MELTF: variants seen among roughly 807,000 people sequenced by gnomAD.
MELTF encodes the protein melanotransferrin.
A neutral mutation model predicts 83.7 loss-of-function variants in MELTF; 67 were observed. The ratio of observed to expected loss-of-function variants is 0.80; its 90% CI spans 0.66 to 0.98. MELTF has a LOEUF of 0.98. Ranked by LOEUF, MELTF falls within the 50% of genes least tolerant of loss-of-function variation. The probability of loss-of-function intolerance (pLI) is 0.00; values close to 1 mark genes in which losing one functional copy is unlikely to be tolerated. For synonymous variants in MELTF, 462 were observed against 447.6 expected, an observed-to-expected ratio of 1.03 and a Z score of -0.41; for missense variants, 1,002 against 1,035.6, an observed-to-expected ratio of 0.97 and a Z score of 0.44.
chr3:197,024,048 C>A lies in MELTF; in HGVS notation c.487+255G>T. ...ACTCATGGGCTGGGCCTGTGCCTGG[C>A]TGTGCCATGTGGGACACCACGATGC... On this transcript the variant is annotated intron_variant, in intron 4 of 15. Transcript: ENST00000296350. The surrounding 1 kb of genome is among the most constrained non-coding windows in gnomAD (Gnocchi z 5.3). 1 of 640,342 alleles carries A rather than the reference C, an allele frequency of 1.6e-6. No individual in the cohort carries two copies. The highest frequency in any genetic ancestry group is 2.9e-6 in the Non-Finnish European group (1 of 347,024). The allele number at this position is 640,342 out of a possible 1,614,324, so 39.7% of individuals were successfully genotyped here.
chr3:197,027,643 C>A, intron 2 of MELTF, 113 bp downstream of exon 2: 1 of 1,318,342 alleles, frequency 7.6e-7, no homozygotes, highest in Non-Finnish European at 1.0e-6. Context: ...GAGATCCTAT[C>A]GGCCGGGCCT....
In MELTF at chr3:197,015,273, C is replaced by G. The variant is rs1350090997; in HGVS notation, c.1233+92G>C. 2.4e-5 allele frequency: 34 copies of G among 1,407,344 alleles called. 1 individual carries two copies. 87.2% of individuals were successfully genotyped at this position (1,407,344 alleles called of 1,614,324 possible). On this transcript the variant is annotated intron_variant, in intron 9 of 15. Transcript: ENST00000296350. ...TTGTTGCAGTAGACACTCTCCTCTTCCCCAGGCAGCAGGGGGTGTGGGTAG... is the reference window on the plus strand; with the variant it reads ...TTGTTGCAGTAGACACTCTCCTCTTGCCCAGGCAGCAGGGGGTGTGGGTAG...
At chr3:197,028,988 T>G (rs1269194316) in intron 1 of MELTF, 2 of 152,490 alleles carry the variant, frequency 1.3e-5, no homozygotes, top group Non-Finnish European at 2.9e-5. Flanking sequence ...AACTGCAAAG[T>G]TCAGACGGGG....
rs371456179 is a variant in MELTF, at chr3:197,024,745, C to T, written c.305-260G>A. 1.3e-5 allele frequency among the ~76,000 whole-genome samples: 2 copies of T among 152,350 alleles called. No individual in the cohort carries two copies. The highest frequency in any genetic ancestry group is 2.1e-4 in the South Asian group (1 of 4,824). Reference sequence around the variant, plus strand: ...TCATTGATTTCCCCCTCTTCCTTCCCCAGCAGCTGGTGCTTAGCTGGGTCC... The same window carrying T: ...TCATTGATTTCCCCCTCTTCCTTCCTCAGCAGCTGGTGCTTAGCTGGGTCC... On this transcript the variant is annotated intron_variant, in intron 3 of 15. Transcript: ENST00000296350. The surrounding 1 kb of genome is among the most constrained non-coding windows in gnomAD (Gnocchi z 5.3).
At chr3:197,004,202 G>C in intron 14 of MELTF, 103 bp from the exon 15 acceptor site, 1 of 1,093,286 alleles carries the variant, frequency 9.1e-7, no homozygotes, top group Non-Finnish European at 1.4e-6. Flanking sequence ...GTGACCCAAA[G>C]AGCAAGTCAT....
intron 6 of MELTF, among the ~76,000 whole-genome samples, chr3:197,018,089 A>G (rs1168877194): frequency 2.0e-5 from 3 of 152,136 alleles, no homozygotes; most frequent in East Asian, 3.9e-4. Flanking sequence ...AACTATTCAT[A>G]TTGCGATGGA....
rs1445608667 is a variant in MELTF at position 197,011,984 on chromosome 3, C to T, written c.1234-1190G>A. Among the ~76,000 whole-genome samples, 1 of 152,158 alleles carries T rather than the reference C, an allele frequency of 6.6e-6. No individual in the cohort carries two copies. Among genetic ancestry groups the T allele is most frequent in the Non-Finnish European group, 1.5e-5 (1 of 68,008 alleles). ...TCTCCCTGCTCTGGGGCTCTTGGAA[C>T]AATAGGGCAGCCTGCCAGGCATTAG... On this transcript the variant is annotated intron_variant, in intron 9 of 15. Transcript: ENST00000296350. The surrounding 1 kb of genome is among the most constrained non-coding windows in gnomAD (Gnocchi z 4.2).
Position 197,007,924 on chromosome 3 carries a change from C to T in MELTF, c.1750+733G>A, listed in dbSNP as rs1719037424. 6.6e-6 allele frequency among the ~76,000 whole-genome samples: 1 copy of T among 152,188 alleles called. No individual in the cohort carries two copies. The highest frequency in any genetic ancestry group is 2.1e-4 in the South Asian group (1 of 4,830). On this transcript the variant is annotated intron_variant, in intron 13 of 15. Coordinates refer to ENST00000296350, the MANE Select transcript of MELTF (RefSeq NM_005929.6). The surrounding 1 kb of genome is among the most constrained non-coding windows in gnomAD (Gnocchi z 4.3). ...GAGCGAGTGGAGAAGACTGGGCCTC[C>T]AGCATTTGGGGTTTCAAAGCCTGGG...
At position 197,027,757 on chromosome 3, in the gene MELTF, G is replaced by A. The variant is rs753300965; in HGVS notation, c.203C>T (p.Ala68Val). 117 of 1,605,852 alleles carry A rather than the reference G, an allele frequency of 7.3e-5. No individual in the cohort carries two copies. Among genetic ancestry groups the A allele is most frequent in the Non-Finnish European group, 9.1e-5 (107 of 1,175,494 alleles). Residue 68 changes from alanine to valine, a missense_variant and splice_region_variant, in exon 2 of 16, where the codon GCG (alanine) becomes GTG (valine). Ala to Val is a moderately conservative substitution (Grantham distance 64). Transcript: ENST00000296350. ...CAGGGTGGAAGGGAGAGGACTCACCGCGATGAGCTGGACGCAGTGGTCGGC... is the reference window on the plus strand; with the variant it reads ...CAGGGTGGAAGGGAGAGGACTCACCACGATGAGCTGGACGCAGTGGTCGGC... ...TSADHCVQLI[A>V]AQEADAITLD...
In MELTF at chr3:197,008,567, G is replaced by A; in HGVS notation, c.1750+90C>T. 1.4e-6 allele frequency: 2 copies of A among 1,415,384 alleles called. No homozygotes were observed. Among genetic ancestry groups the A allele is most frequent in the Non-Finnish European group, 1.9e-6 (2 of 1,026,442 alleles). 87.7% of individuals were successfully genotyped at this position (1,415,384 alleles called of 1,614,324 possible). ...ACTCAGCCTCTCTGAGCTGCTGCTT[G>A]GCCCCAGCCCAGCATGGTGTCTGGA... On this transcript the variant is annotated intron_variant, in intron 13 of 15. Transcript: ENST00000296350. This position sits in a 1 kb window ranked among gnomAD's most constrained non-coding sequence, Gnocchi z 5.4.
rs1718809715 is a variant in MELTF, at chr3:197,003,099, G to T, written c.*273C>A. 1 of 159,608 alleles carries T rather than the reference G, an allele frequency of 6.3e-6. No individual in the cohort carries two copies. Among genetic ancestry groups the T allele is most frequent in the Admixed American group, 6.6e-5 (1 of 15,128 alleles). 9.9% of individuals were successfully genotyped at this position (159,608 alleles called of 1,614,324 possible). A position where few individuals can be genotyped will look rare whatever the true frequency, so the allele number is the denominator to read the frequency against. ...GCGGGCGGCGGGAAGCCCGGACTCA[G>T]CGGTTTCCTGGGCAACCGGCCTCCT... On this transcript the variant is annotated 3_prime_UTR_variant, in exon 16 of 16. Coordinates refer to ENST00000296350, the MANE Select transcript of MELTF (RefSeq NM_005929.6). This position sits in a 1 kb window ranked among gnomAD's most constrained non-coding sequence, Gnocchi z 6.2.
rs149714057 is a variant in MELTF at position 197,009,812 on chromosome 3, G to T, written c.1331C>A (p.Pro444Gln). ...LVPAAGEHYA[P>Q]EDSSNSYYVV... Reference sequence around the variant, plus strand: ...GTAGTACGAGTTGCTGCTGTCTTCCGCTGGGGAGAGAGGGACTCACGTGAG... The same window carrying T: ...GTAGTACGAGTTGCTGCTGTCTTCCTCTGGGGAGAGAGGGACTCACGTGAG... Residue 444 changes from proline to glutamine, a missense_variant and splice_region_variant, in exon 11 of 16, where the codon CCG (proline) becomes CAG (glutamine). Transcript: ENST00000296350. 15 of 1,607,218 alleles carry T rather than the reference G, an allele frequency of 9.3e-6. No homozygotes were observed. The highest frequency in any genetic ancestry group is 2.2e-5 in the East Asian group (1 of 44,704).
In MELTF at chr3:197,010,700, G is replaced by A; in HGVS notation, c.1328C>T (p.Ala443Val). 2 of 1,612,360 alleles carry A rather than the reference G, an allele frequency of 1.2e-6. No individual in the cohort carries two copies. The highest frequency in any genetic ancestry group is 1.7e-6 in the Non-Finnish European group (2 of 1,179,448). Residue 443 changes from alanine to valine, a missense_variant and splice_region_variant, in exon 10 of 16, where the codon GCC becomes GTC. By Grantham distance (64) the Ala-to-Val change is moderately conservative (BLOSUM62 0). Coordinates refer to ENST00000296350, the MANE Select transcript of MELTF (RefSeq NM_005929.6). Reference protein sequence around the residue: ...GLVPAAGEHYAPEDSSNSYYV... With the variant: ...GLVPAAGEHYVPEDSSNSYYV... Reference sequence around the variant, plus strand: ...CAGGCGGCAGGCCCTGCACTCACGGGCATAGTGCTCCCCGGCTGCGGGAAC... The same window carrying A: ...CAGGCGGCAGGCCCTGCACTCACGGACATAGTGCTCCCCGGCTGCGGGAAC...
chr3:197,015,284 AG>A, intron 9 of MELTF, 80 bp downstream of exon 9: 3 of 1,415,230 alleles, frequency 2.1e-6, no homozygotes, highest in Non-Finnish European at 2.9e-6. Flanking sequence ...CCCAGGCAGC[AG>A]GGGGTGTGGG....
Position 197,022,272 on chromosome 3 carries a change from C to T in MELTF, c.644+685G>A, listed in dbSNP as rs1442372689. Among the ~76,000 whole-genome samples, 4 of 152,034 alleles carry T rather than the reference C, an allele frequency of 2.6e-5. No homozygotes were observed. Among genetic ancestry groups the T allele is most frequent in the African/African-American group, 9.7e-5 (4 of 41,368 alleles). Reference sequence around the variant, plus strand: ...GACATCAGGAGAGGGCTCTGAGGCTCCAAGAGAGCCAGAGAGAATGTGTGC... The same window carrying T: ...GACATCAGGAGAGGGCTCTGAGGCTTCAAGAGAGCCAGAGAGAATGTGTGC... On this transcript the variant is annotated intron_variant, in intron 5 of 15. Transcript: ENST00000296350. This position sits in a 1 kb window ranked among gnomAD's most constrained non-coding sequence, Gnocchi z 5.1.
chr3:197,010,142 A>G (rs566026881), intron 10 of MELTF, among the ~76,000 whole-genome samples: 51 of 152,350 alleles, frequency 3.3e-4, no homozygotes, highest in African/African-American at 1.2e-3. Context: ...GGCGCAGCTG[A>G]GGCTGCAGAA....
chr3:197,003,209 A>C lies in MELTF; in HGVS notation c.*163T>G. ...CGGGCCCGGGGGCGGCGCCTCAGGT[A>C]GCAGCGCCAGGTGGCGCCCGTGGGC... On this transcript the variant is annotated 3_prime_UTR_variant, in exon 16 of 16. Transcript: ENST00000296350. The surrounding 1 kb of genome is among the most constrained non-coding windows in gnomAD (Gnocchi z 6.2). The C allele has an allele frequency of 2.7e-6, 2 of 738,332 alleles. No individual in the cohort carries two copies. Among genetic ancestry groups the C allele is most frequent in the Middle Eastern group, 6.4e-4 (1 of 1,568 alleles). The allele number at this position is 738,332 out of a possible 1,614,324, so 45.7% of individuals were successfully genotyped here.
chr3:197,015,265 C>A (rs1323267173), intron 9 of MELTF, 100 bp downstream of exon 9: 2 of 1,362,554 alleles, frequency 1.5e-6, no homozygotes, highest in African/African-American at 2.9e-5. Flanking sequence ...AGTAGACACT[C>A]TCCTCTTCCC....
chr3:197,016,450 C>T (rs1458858241), intron 7 of MELTF, 81 bp from the exon 8 acceptor site: 2 of 1,317,570 alleles, frequency 1.5e-6, no homozygotes, highest in Non-Finnish European at 1.0e-6. Context: ...CCCCTACCTC[C>T]TTCTTCCCCG....
Sources: gnomAD v4.1 joint callset for allele counts (sites outside exome capture counted in the v4.1 genomes callset) on GRCh38, gnomAD v4.1.1 for gene constraint, Gnocchi (gnomAD v3.1) non-coding constraint, MANE v1.5 for transcripts, NCBI Gene and HGNC (gene_info 2026-07-23, HGNC 2026-07-21) for gene names.